The following DUOXA1 variants were observed in gnomAD, a reference collection of about 807,000 sequenced individuals.
DUOXA1 encodes the protein dual oxidase maturation factor 1.
In DUOXA1, 19 loss-of-function variants were observed where a neutral mutation model predicts 26.6. That is an observed-to-expected ratio of 0.71 (90% confidence interval 0.50 to 1.05). DUOXA1 has a LOEUF of 1.05. Ranked by LOEUF, DUOXA1 falls within the 50% of genes least tolerant of loss-of-function variation. The probability of loss-of-function intolerance (pLI) is 0.00; values close to 1 mark genes in which losing one functional copy is unlikely to be tolerated. For missense variants in DUOXA1, 403 were observed against 427.5 expected (o/e 0.94, Z 0.51); for synonymous variants, 166 against 177.0 (o/e 0.94, Z 0.49).
intron 3 of DUOXA1, 137 bp from the exon 4 acceptor site, chr15:45,123,180 T>A: frequency 1.2e-6 from 1 of 823,660 alleles, no homozygotes; most frequent in Non-Finnish European, 1.7e-6. Context: ...CATCAGACTC[T>A]GCTATTACCA....
chr15:45,121,276 G>T, intron 5 of DUOXA1, 55 bp from the exon 6 acceptor site: 1 of 1,612,132 alleles, frequency 6.2e-7, no homozygotes, highest in Non-Finnish European at 8.5e-7. Context: ...GCATTACTAG[G>T]TTAGAGTCAG....
Position 45,119,809 on chromosome 15 carries a change from G to A in DUOXA1, c.772+294C>T, listed in dbSNP as rs141926239. ...GGGGACCCAGAGAAGGGTATTTGGA[G>A]GAAGCAAGAGGGGACAGGGGGTTGG... On this transcript the variant is annotated intron_variant, in intron 8 of 8. Transcript: ENST00000560572. Among the ~76,000 whole-genome samples, 11 of 152,100 alleles carry A rather than the reference G, an allele frequency of 7.2e-5. No homozygotes were observed. In the East Asian group the frequency reaches 2.1e-3, roughly 29 times the overall value.
chr15:45,118,130 G>C lies in DUOXA1; in HGVS notation c.*976C>G. On this transcript the variant is annotated 3_prime_UTR_variant, in exon 9 of 9. Coordinates refer to ENST00000560572, the MANE Select transcript of DUOXA1 (RefSeq NM_001276266.2). ...AACTGTTTTTCCCATTAATTTTCAT[G>C]GCTTCTCCGCGCCGGGGTCGCACGT... 4 of 1,443,678 alleles carry C rather than the reference G, an allele frequency of 2.8e-6. No individual in the cohort carries two copies. Among genetic ancestry groups the C allele is most frequent in the Non-Finnish European group, 3.6e-6 (4 of 1,103,514 alleles). The allele number at this position is 1,443,678 out of a possible 1,614,324, so 89.4% of individuals were successfully genotyped here.
chr15:45,118,074 A>C lies in DUOXA1; in HGVS notation c.*1032T>G. On this transcript the variant is annotated 3_prime_UTR_variant, in exon 9 of 9. Transcript: ENST00000560572. ...GGGAAAGTCTCCTGGGGCGATCTGTAAATAAACCTTTTTTTCTTTTGTTTT... is the reference window on the plus strand; with the variant it reads ...GGGAAAGTCTCCTGGGGCGATCTGTCAATAAACCTTTTTTTCTTTTGTTTT... 6.5e-7 allele frequency: 1 copy of C among 1,535,438 alleles called. No homozygotes were observed. Among genetic ancestry groups the C allele is most frequent in the Non-Finnish European group, 8.8e-7 (1 of 1,142,598 alleles).
chr15:45,119,962 T>C lies in DUOXA1; in HGVS notation c.772+141A>G, dbSNP rs1895010664. 6.9e-6 allele frequency: 6 copies of C among 869,804 alleles called. No homozygotes were observed. In the Admixed American group the frequency reaches 1.1e-4, roughly 16 times the overall value. The allele number at this position is 869,804 out of a possible 1,614,324, so 53.9% of individuals were successfully genotyped here. On this transcript the variant is annotated intron_variant, in intron 8 of 8. Transcript: ENST00000560572. ...GGAGAGAAAATCAGGAGATAAGAGA[T>C]ACAAGAGGGTGGGACTTTAAAGAGG...
Position 45,117,550 on chromosome 15 carries a change from G to C in DUOXA1, c.*1556C>G. On this transcript the variant is annotated 3_prime_UTR_variant, in exon 9 of 9. Transcript: ENST00000560572. ...GGTGTGTGGCGGGAGGTAACACAAG[G>C]GGTAGGCTCCAAAAGATGGAAGAAG... is the stretch of plus-strand genomic sequence containing the variant. The C allele has an allele frequency of 1.3e-6, 2 of 1,577,544 alleles. No individual in the cohort carries two copies. Among genetic ancestry groups the C allele is most frequent in the Admixed American group, 1.8e-5 (1 of 54,134 alleles).
At chr15:45,121,469 G>C (rs2141196685) in intron 5 of DUOXA1, among the ~76,000 whole-genome samples, 1 of 152,290 alleles carries the variant, frequency 6.6e-6, no homozygotes, top group South Asian at 2.1e-4. Context: ...AGCTGGGAAG[G>C]AAACATGAAC....
intron 3 of DUOXA1, among the ~76,000 whole-genome samples, chr15:45,127,333 T>C (rs1316519163): frequency 6.6e-6 from 1 of 152,172 alleles, no homozygotes; most frequent in Non-Finnish European, 1.5e-5. Flanking sequence ...TATAAAAAAA[T>C]TTACAAGAAT....
At chr15:45,122,738 T>C (rs1595554046) in intron 4 of DUOXA1, 130 bp downstream of exon 4, 1 of 1,154,840 alleles carries the variant, frequency 8.7e-7, no homozygotes, top group Non-Finnish European at 1.2e-6. Flanking sequence ...GCTTTCTGCC[T>C]GGGGTCGTGG....
At chr15:45,123,256 A>T (rs1435184456) in intron 3 of DUOXA1, among the ~76,000 whole-genome samples, 1 of 152,030 alleles carries the variant, frequency 6.6e-6, no homozygotes, top group Non-Finnish European at 1.5e-5. Flanking sequence ...GGTCTTTGCC[A>T]TCAGTCTCTG....
In DUOXA1 at chr15:45,120,329, C is replaced by A. The variant is rs932071315; in HGVS notation, c.555-9G>T. ...AGCAGAGGAATGCCACCCTGGAGAG[C>A]CAGGACCCAGTGAGGACTGGCCCAG... On this transcript the variant is annotated splice_polypyrimidine_tract_variant and intron_variant, in intron 7 of 8. Coordinates refer to ENST00000560572, the MANE Select transcript of DUOXA1 (RefSeq NM_001276266.2). The A allele has an allele frequency of 6.2e-7, 1 of 1,613,752 alleles. No individual in the cohort carries two copies.
In DUOXA1 at chr15:45,127,842, T is replaced by G. The variant is rs188768983; in HGVS notation, c.-30+1176A>C. Among the ~76,000 whole-genome samples the G allele has an allele frequency of 3.9e-3, 594 of 152,298 alleles. 2 individuals are homozygous for G. The highest frequency in any genetic ancestry group is 6.5e-3 in the Non-Finnish European group (443 of 68,030). On this transcript the variant is annotated intron_variant, in intron 3 of 8. Coordinates refer to ENST00000560572, the MANE Select transcript of DUOXA1 (RefSeq NM_001276266.2). ...CCATGACTAGGATGTATGCACAGTG[T>G]ACATTGATATAAATAAGCAGACACA...
chr15:45,125,355 T>A (rs1383972338), intron 3 of DUOXA1, among the ~76,000 whole-genome samples: 1 of 152,112 alleles, frequency 6.6e-6, no homozygotes, highest in African/African-American at 2.4e-5. Flanking sequence ...TGGCTCCTTC[T>A]CTCAAGGGTA....
Position 45,119,101 on chromosome 15 carries a change from G to A in DUOXA1, c.*5C>T, listed in dbSNP as rs1195088649. The A allele has an allele frequency of 1.3e-6, 2 of 1,569,750 alleles. No homozygotes were observed. The highest frequency in any genetic ancestry group is 1.3e-5 in the African/African-American group (1 of 74,094). ...AAGTCCAGGTGGCCTCCACGGGGAG[G>A]AATGTTATAAAGCACAATCAGGATC... On this transcript the variant is annotated 3_prime_UTR_variant, in exon 9 of 9. Coordinates refer to ENST00000560572, the MANE Select transcript of DUOXA1 (RefSeq NM_001276266.2).
intron 3 of DUOXA1, among the ~76,000 whole-genome samples, chr15:45,127,363 G>A (rs1424573466): frequency 6.6e-6 from 1 of 152,146 alleles, no homozygotes; most frequent in Admixed American, 6.5e-5. Context: ...CTATTAACAT[G>A]TGCTTAAAAG....
At chr15:45,119,478 G>A (rs1894938523) in intron 8 of DUOXA1, 113 bp from the exon 9 acceptor site, 1 of 1,441,956 alleles carries the variant, frequency 6.9e-7, no homozygotes, top group Non-Finnish European at 9.2e-7. Context: ...CCCTGCTTCA[G>A]GGCAACTTGG....
chr15:45,118,238 A>T lies in DUOXA1; in HGVS notation c.*868T>A, dbSNP rs1894818449. On this transcript the variant is annotated 3_prime_UTR_variant, in exon 9 of 9. Coordinates refer to ENST00000560572, the MANE Select transcript of DUOXA1 (RefSeq NM_001276266.2). ...ACCTGATTCTCTGCGTCGACTCCAG[A>T]GTAATAGGGGCGCCCTCTAGTGAGG... The T allele has an allele frequency of 5.0e-6, 7 of 1,406,822 alleles. No individual in the cohort carries two copies. The highest frequency in any genetic ancestry group is 6.4e-6 in the Non-Finnish European group (7 of 1,087,336). 87.1% of individuals were successfully genotyped at this position (1,406,822 alleles called of 1,614,324 possible).
chr15:45,127,793 A>C (rs2141227402), intron 3 of DUOXA1, among the ~76,000 whole-genome samples: 1 of 152,300 alleles, frequency 6.6e-6, no homozygotes, highest in Non-Finnish European at 1.5e-5. Flanking sequence ...TATTAACTTG[A>C]CCCACTCCTC....
rs146181954 is a variant in DUOXA1 at position 45,120,135 on chromosome 15, T to C, written c.740A>G (p.His247Arg). Residue 247 changes from histidine to arginine, a missense_variant, in exon 8 of 9, where the codon CAT (histidine) becomes CGT (arginine). Coordinates refer to ENST00000560572, the MANE Select transcript of DUOXA1 (RefSeq NM_001276266.2). The part of the protein sequence containing the change: ...HLGASVLHTH[H>R]GPAFWITLTT... ...CAATGTGATCCAGAAGGCAGGCCCA[T>C]GGTGAGTATGCAGCACAGAAGCGCC... 193 of 1,613,896 alleles carry C rather than the reference T, an allele frequency of 1.2e-4. 1 individual carries two copies. The highest frequency in any genetic ancestry group is 2.2e-4 in the South Asian group (20 of 91,060).
Sources: gnomAD v4.1 joint callset for allele counts (sites outside exome capture counted in the v4.1 genomes callset) on GRCh38, gnomAD v4.1.1 for gene constraint, MANE v1.5 for transcripts, NCBI Gene and HGNC (gene_info 2026-07-23, HGNC 2026-07-21) for gene names.